NECTIN3: variants seen among roughly 807,000 people sequenced by gnomAD.
NECTIN3 encodes nectin-3.
Under a neutral mutation model 49.4 loss-of-function variants are expected in NECTIN3, and 8 were observed. The observed-to-expected ratio is 0.16, with a 90% CI of 0.10 to 0.29. NECTIN3 has a LOEUF of 0.29. Ranked by LOEUF, NECTIN3 falls within the 10% of genes least tolerant of loss-of-function variation. The pLI is 1.00. For synonymous variants in NECTIN3, 277 were observed against 241.1 expected, an observed-to-expected ratio of 1.15 and a Z score of -1.38; for missense variants, 581 against 654.6, an observed-to-expected ratio of 0.89 and a Z score of 1.23.
chr3:111,082,090 GAGA>G (rs1227593923), intron 1 of NECTIN3, among the ~76,000 whole-genome samples: 1 of 152,214 alleles, frequency 6.6e-6, no homozygotes, highest in African/African-American at 2.4e-5. Context: ...GCTTGGATCT[GAGA>G]AGTAGATGAT....
chr3:111,174,809 T>C (rs543145626), intron 7 of NECTIN3, among the ~76,000 whole-genome samples: 1 of 152,270 alleles, frequency 6.6e-6, no homozygotes, highest in Admixed American at 6.5e-5. Flanking sequence ...CTTTTAGCCC[T>C]GCTGTCTGTA....
chr3:111,078,707 G>A (rs1176313345), intron 1 of NECTIN3, among the ~76,000 whole-genome samples: 3 of 152,096 alleles, frequency 2.0e-5, no homozygotes, highest in Non-Finnish European at 4.4e-5. Context: ...GATATTACTT[G>A]AGATAGTTCT....
chr3:111,101,354 A>T (rs1449336933), intron 1 of NECTIN3, among the ~76,000 whole-genome samples: 1 of 152,160 alleles, frequency 6.6e-6, no homozygotes, highest in Non-Finnish European at 1.5e-5. Flanking sequence ...CTACTTAAAG[A>T]TTATTAAAAA....
chr3:111,086,664 G>T (rs1349457648), intron 1 of NECTIN3, among the ~76,000 whole-genome samples: 3 of 152,104 alleles, frequency 2.0e-5, no homozygotes, highest in Non-Finnish European at 2.9e-5. Context: ...CTCATATTGG[G>T]TGGAGTAAGC....
intron 7 of NECTIN3, among the ~76,000 whole-genome samples, chr3:111,163,065 A>T (rs2035246971): frequency 6.6e-6 from 1 of 152,214 alleles, no homozygotes; most frequent in Non-Finnish European, 1.5e-5. Flanking sequence ...ACAAAGTTAC[A>T]GTCAGATGGT....
At chr3:111,074,087 T>C (rs957040977) in intron 1 of NECTIN3, 2 of 381,916 alleles carry the variant, frequency 5.2e-6, no homozygotes, top group Admixed American at 3.2e-5. Flanking sequence ...GCTACTCATT[T>C]AAACAGCTTC....
At chr3:111,072,406 G>T in intron 1 of NECTIN3, 1 of 1,520,100 alleles carries the variant, frequency 6.6e-7, no homozygotes, top group Non-Finnish European at 8.8e-7. Flanking sequence ...GCGGCCGCGC[G>T]GGTCGCCGTG....
intron 6 of NECTIN3, among the ~76,000 whole-genome samples, chr3:111,146,845 C>T (rs1166267086): frequency 6.6e-6 from 1 of 152,070 alleles, no homozygotes; most frequent in African/African-American, 2.4e-5. Flanking sequence ...TGTTGATTTT[C>T]TGATAGCTCA....
At position 111,134,222 on chromosome 3, in the gene NECTIN3, C is replaced by T; in HGVS notation, c.*7C>T. 1.3e-6 allele frequency: 2 copies of T among 1,577,460 alleles called. No individual in the cohort carries two copies. The highest frequency in any genetic ancestry group is 2.7e-5 in the African/African-American group (2 of 73,822). ...GAGGGAGTGGTATGTTTAGCAACCA[C>T]TGAATGTGACTTAACTATGTACAAT... On this transcript the variant is annotated 3_prime_UTR_variant, in exon 6 of 6. Transcript: ENST00000485303.
intron 5 of NECTIN3, 133 bp downstream of exon 5, chr3:111,126,468 C>A: frequency 1.3e-6 from 1 of 747,266 alleles, no homozygotes; most frequent in South Asian, 2.0e-5. Flanking sequence ...TCCAAATAAT[C>A]TAAAAGGAAT....
chr3:111,083,214 G>A (rs1383881627), intron 1 of NECTIN3, among the ~76,000 whole-genome samples: 1 of 152,062 alleles, frequency 6.6e-6, no homozygotes, highest in Non-Finnish European at 1.5e-5. Context: ...AGGAGAGTAG[G>A]GACAACTCTT....
chr3:111,072,130 CGCT>C lies in NECTIN3; in HGVS notation c.126_128del (p.Leu43del), dbSNP rs749811256. On this transcript the variant is annotated inframe_deletion, in exon 1 of 6. Coordinates refer to ENST00000485303, the MANE Select transcript of NECTIN3 (RefSeq NM_015480.3). ...CTGCTGCAGCCCCCGACGCCACCTC[CGCT>C]GCTGCTGCTGCTCTTCCCGCTGCTG... 20 of 1,549,462 alleles carry C rather than the reference CGCT, an allele frequency of 1.3e-5. No homozygotes were observed. The highest frequency in any genetic ancestry group is 3.6e-5 in the South Asian group (3 of 83,752).
At chr3:111,072,682 C>G in intron 1 of NECTIN3, 1 of 1,112,168 alleles carries the variant, frequency 9.0e-7, no homozygotes, top group Non-Finnish European at 1.3e-6. Flanking sequence ...GCCGCAGAAT[C>G]CCCTACAGCT....
In NECTIN3 at chr3:111,165,384, G is replaced by A. The variant is rs975617717; in HGVS notation, c.1221+17900G>A. On this transcript the variant is annotated intron_variant, in intron 7 of 8. Coordinates refer to the NECTIN3 transcript ENST00000493615. ...CATTCTTTTTGCTGTCCACATTATG[G>A]TACCTGAACTGATGAAATTCTTCAG... Among the ~76,000 whole-genome samples, 8 of 152,088 alleles carry A rather than the reference G, an allele frequency of 5.3e-5. No homozygotes were observed. In the South Asian group the frequency reaches 1.7e-3, roughly 32 times the overall value.
At chr3:111,167,130 T>G (rs1015875565) in intron 7 of NECTIN3, among the ~76,000 whole-genome samples, 2 of 152,230 alleles carry the variant, frequency 1.3e-5, no homozygotes, top group Non-Finnish European at 2.9e-5. Context: ...CCACATTCAC[T>G]TTGTAAAATT....
intron 7 of NECTIN3, among the ~76,000 whole-genome samples, chr3:111,158,797 A>T (rs2035150578): frequency 6.6e-6 from 1 of 152,226 alleles, no homozygotes; most frequent in Non-Finnish European, 1.5e-5. Context: ...CCATTAAGAA[A>T]GCAAAGGCAA....
chr3:111,154,852 G>T (rs1033779899), intron 7 of NECTIN3, among the ~76,000 whole-genome samples: 7 of 151,940 alleles, frequency 4.6e-5, no homozygotes, highest in African/African-American at 1.7e-4. Flanking sequence ...GAAGAGTTTT[G>T]AGAGTTCTTT....
At chr3:111,192,416 A>G (rs1448611172) in intron 1 of NECTIN3, 1 of 1,534,130 alleles carries the variant, frequency 6.5e-7, no homozygotes, top group Non-Finnish European at 8.7e-7. Context: ...AGCACTCTGT[A>G]AGTAACTGTG....
At chr3:111,165,236 G>C (rs2035295504) in intron 7 of NECTIN3, among the ~76,000 whole-genome samples, 1 of 151,954 alleles carries the variant, frequency 6.6e-6, no homozygotes, top group Non-Finnish European at 1.5e-5. Context: ...GTAGATACAG[G>C]GTTTCACTGT....
Sources: gnomAD v4.1 joint callset for allele counts (sites outside exome capture counted in the v4.1 genomes callset) on GRCh38, gnomAD v4.1.1 for gene constraint, MANE v1.5 for transcripts, NCBI Gene and HGNC (gene_info 2026-07-23, HGNC 2026-07-21) for gene names.